The following CTNNA2 variants were observed in gnomAD, a reference collection of about 807,000 sequenced individuals.
CTNNA2 encodes catenin alpha 2.
A neutral mutation model predicts 101.0 loss-of-function variants in CTNNA2; 42 were observed. That is an observed-to-expected ratio of 0.42 (90% CI 0.32 to 0.54). The LOEUF is 0.54. CTNNA2 is among the 20% of genes least tolerant of loss of function. The pLI is 0.14. For missense variants in CTNNA2, 871 were observed against 1,223.1 expected, an observed-to-expected ratio of 0.71 and a Z score of 4.29; for synonymous variants, 450 against 456.4, an observed-to-expected ratio of 0.99 and a Z score of 0.18.
intron 9 of CTNNA2, among the ~76,000 whole-genome samples, chr2:80,444,303 T>C (rs1029850992): frequency 6.6e-6 from 1 of 152,164 alleles, no homozygotes; most frequent in African/African-American, 2.4e-5. Flanking sequence ...TTTGTTTATA[T>C]GAAAGGAGAC....
intron 4 of CTNNA2, among the ~76,000 whole-genome samples, chr2:79,375,872 G>A (rs1375757894): frequency 1.3e-5 from 2 of 152,258 alleles, no homozygotes; most frequent in African/African-American, 4.8e-5. Flanking sequence ...TTTAAAAAGT[G>A]CATCCTTGGA....
At chr2:80,131,305 C>T (rs981418113) in intron 7 of CTNNA2, among the ~76,000 whole-genome samples, 1 of 152,072 alleles carries the variant, frequency 6.6e-6, no homozygotes, top group Non-Finnish European at 1.5e-5. Flanking sequence ...GTGATCTGCC[C>T]GCCTTGGCCT....
chr2:79,551,998 T>A (rs568805164), intron 1 of CTNNA2, among the ~76,000 whole-genome samples: 2 of 152,252 alleles, frequency 1.3e-5, no homozygotes, highest in African/African-American at 4.8e-5. Flanking sequence ...CTCCCAAATC[T>A]TATATTCTTC....
intron 7 of CTNNA2, among the ~76,000 whole-genome samples, chr2:80,082,087 T>C (rs1024001642): frequency 2.0e-5 from 3 of 152,176 alleles, no homozygotes; most frequent in African/African-American, 7.2e-5. Context: ...TTCCAATATC[T>C]GGTTGCTCTG....
intron 7 of CTNNA2, among the ~76,000 whole-genome samples, chr2:79,926,058 T>A (rs1034715817): frequency 3.3e-5 from 5 of 152,144 alleles, no homozygotes; most frequent in Non-Finnish European, 7.4e-5. Context: ...AATTCACAAA[T>A]TATGAGCTTC....
intron 1 of CTNNA2, among the ~76,000 whole-genome samples, chr2:79,561,377 C>G (rs927757088): frequency 1.3e-5 from 2 of 151,928 alleles, no homozygotes; most frequent in African/African-American, 4.8e-5. Flanking sequence ...AATAATGCTA[C>G]TATGAGCATT....
At position 80,608,240 on chromosome 2, in the gene CTNNA2, G is replaced by A. The variant is rs1176392508; in HGVS notation, c.2352G>A (p.Leu784=). 3.1e-6 allele frequency: 5 copies of A among 1,610,720 alleles called. No individual in the cohort carries two copies. Among genetic ancestry groups the A allele is most frequent in the Admixed American group, 3.3e-5 (2 of 59,754 alleles). ...TAGCCTACCTTCAACGAATTGCCTT[G>A]TATTGCCATCAGCTTAATATCTGCA... ...DLLAYLQRIA[L]YCHQLNICSK... is the part of the protein sequence containing the mutation. The change falls in exon 17 of 19, where the codon TTG becomes TTA. Residue 784 remains leucine (L), a synonymous_variant. Transcript: ENST00000402739.
intron 1 of CTNNA2, among the ~76,000 whole-genome samples, chr2:79,195,490 C>T (rs1673947499): frequency 6.6e-6 from 1 of 152,182 alleles, no homozygotes; most frequent in South Asian, 2.1e-4. Context: ...ATCGCTTTTA[C>T]AACCACACCC....
intron 9 of CTNNA2, among the ~76,000 whole-genome samples, chr2:80,481,855 A>G (rs1444516633): frequency 6.6e-6 from 1 of 152,116 alleles, no homozygotes; most frequent in Non-Finnish European, 1.5e-5. Flanking sequence ...ATGATACTAT[A>G]AAGGACTTCA....
chr2:80,450,330 AC>A (rs1311426366), intron 9 of CTNNA2, among the ~76,000 whole-genome samples: 1 of 151,724 alleles, frequency 6.6e-6, no homozygotes, highest in Non-Finnish European at 1.5e-5. Context: ...TTTTTAAAGG[AC>A]CATTTATTAC....
At chr2:80,175,149 C>T (rs114791945) in intron 7 of CTNNA2, among the ~76,000 whole-genome samples, 5 of 152,242 alleles carry the variant, frequency 3.3e-5, no homozygotes, top group Admixed American at 6.5e-5. Context: ...CCCACTCTTT[C>T]GGGATATAGG....
Position 79,213,612 on chromosome 2 carries a change from G to C in CTNNA2, c.-406+15536G>C, listed in dbSNP as rs1558575342. Among the ~76,000 whole-genome samples, 3 of 152,154 alleles carry C rather than the reference G, an allele frequency of 2.0e-5. No individual in the cohort carries two copies. In the South Asian group the frequency reaches 6.2e-4, roughly 32 times the overall value. ...GCCATCAATAAACTAAATGTGATCA[G>C]AGTGAGGAACAGGAAATAAGGAAAC... On this transcript the variant is annotated intron_variant, in intron 2 of 21. Transcript: ENST00000466387.
chr2:79,613,608 A>G (rs35640995), intron 1 of CTNNA2, among the ~76,000 whole-genome samples: 2 of 152,182 alleles, frequency 1.3e-5, no homozygotes, highest in African/African-American at 4.8e-5. Flanking sequence ...TAGACTATCA[A>G]CAATAACAAA....
chr2:79,744,833 A>T (rs1671530835), intron 3 of CTNNA2, among the ~76,000 whole-genome samples: 1 of 152,166 alleles, frequency 6.6e-6, no homozygotes, highest in Admixed American at 6.5e-5. Context: ...TTCTTGGTCA[A>T]TGTAAACAGA....
intron 9 of CTNNA2, among the ~76,000 whole-genome samples, chr2:80,468,103 GA>G (rs1685005618): frequency 1.3e-5 from 2 of 152,248 alleles, no homozygotes; most frequent in Middle Eastern, 3.4e-3. Flanking sequence ...GGAATTGCTG[GA>G]AGAACCTGTG....
intron 7 of CTNNA2, among the ~76,000 whole-genome samples, chr2:80,173,968 C>T (rs1705236383): frequency 6.6e-6 from 1 of 152,166 alleles, no homozygotes; most frequent in Non-Finnish European, 1.5e-5. Context: ...AATTTAATGT[C>T]ATGCCTGTTG....
rs187389715 is a variant in CTNNA2, at chr2:80,057,191, A to G, written c.1056+147394A>G. 5.0e-4 allele frequency among the ~76,000 whole-genome samples: 65 copies of G among 130,952 alleles called. 1 individual carries two copies. The highest frequency in any genetic ancestry group is 2.2e-3 in the African/African-American group (63 of 28,230). 85.9% of individuals were successfully genotyped at this position (130,952 alleles called of 152,430 possible). A position where few individuals can be genotyped will look rare whatever the true frequency, so the allele number is the denominator to read the frequency against. On this transcript the variant is annotated intron_variant, in intron 7 of 18. Coordinates refer to ENST00000402739, the MANE Select transcript of CTNNA2 (RefSeq NM_001282597.3). ...ATATAAGTTGTTTTTTTTTTTTTTTAAGGAAGACTGAGACATAACTCTGTA... is the reference window on the plus strand; with the variant it reads ...ATATAAGTTGTTTTTTTTTTTTTTTGAGGAAGACTGAGACATAACTCTGTA...
In CTNNA2 at chr2:80,292,012, C is replaced by T. The variant is rs539809803; in HGVS notation, c.1057-101199C>T. 1.1e-4 allele frequency among the ~76,000 whole-genome samples: 17 copies of T among 152,302 alleles called. No individual in the cohort carries two copies. In the South Asian group the frequency reaches 1.9e-3, roughly 17 times the overall value. ...CAGACTTCACTGCCTCCATATCCCT[C>T]TTTTAGGCCCAGTGCTTTCAGGAAT... On this transcript the variant is annotated intron_variant, in intron 7 of 18. Transcript: ENST00000402739.
At chr2:80,036,138 G>T (rs745569274) in intron 7 of CTNNA2, among the ~76,000 whole-genome samples, 1 of 152,154 alleles carries the variant, frequency 6.6e-6, no homozygotes, top group East Asian at 1.9e-4. Context: ...GAAGCAGTGC[G>T]ATAATCTACT....
Sources: allele counts gnomAD v4.1 joint callset (sites outside exome capture counted in the v4.1 genomes callset), GRCh38; gene constraint gnomAD v4.1.1; transcripts MANE v1.5; gene names NCBI Gene and HGNC (gene_info 2026-07-23, HGNC 2026-07-21).